The following JAK3 variants were observed in gnomAD, a reference collection of about 807,000 sequenced individuals.
The protein encoded by JAK3 is Janus kinase 3, also known as tyrosine-protein kinase JAK3.
In JAK3, 88 loss-of-function variants were observed where a neutral mutation model predicts 120.8. That is an observed-to-expected ratio of 0.73 (90% CI 0.61 to 0.87). The LOEUF is 0.87. JAK3 is among the 40% of genes least tolerant of loss of function. JAK3 has a pLI of 0.00. For missense variants in JAK3, 1,254 were observed against 1,501.4 expected (o/e 0.84, Z 2.72); for synonymous variants, 592 against 628.6 (o/e 0.94, Z 0.87).
chr19:17,837,241 T>TG, intron 12 of JAK3, 28 bp from the exon 13 acceptor site: 1 of 1,531,716 alleles, frequency 6.5e-7, no homozygotes, highest in East Asian at 2.4e-5. Flanking sequence ...GGAGAGAAGA[T>TG]GCGTGGGTTT....
chr19:17,841,617 G>A lies in JAK3; in HGVS notation c.984+23C>T, dbSNP rs2094239090. 6 of 1,613,562 alleles carry A rather than the reference G, an allele frequency of 3.7e-6. No homozygotes were observed. The highest frequency in any genetic ancestry group is 5.1e-6 in the Non-Finnish European group (6 of 1,179,800). ...GTCCCGCCCTCGGGGTAAGGCTGAA[G>A]GGGAGGGGAATCCTGCACCCACTAA... is the stretch of plus-strand genomic sequence containing the variant. On this transcript the variant is annotated intron_variant, in intron 7 of 23. Coordinates refer to ENST00000458235, the MANE Select transcript of JAK3 (RefSeq NM_000215.4). The surrounding 1 kb of genome is among the most constrained non-coding windows in gnomAD (Gnocchi z 4.1).
At chr19:17,829,407 C>T (rs1482608516) in intron 23 of JAK3, among the ~76,000 whole-genome samples, 1 of 152,110 alleles carries the variant, frequency 6.6e-6, no homozygotes, top group Non-Finnish European at 1.5e-5. Flanking sequence ...GATCTGACCG[C>T]CTCAGCCTTC....
At chr19:17,836,156 T>G in intron 13 of JAK3, 105 bp from the exon 14 acceptor site, 13 of 1,326,696 alleles carry the variant, frequency 9.8e-6, no homozygotes, top group Non-Finnish European at 8.6e-6. Context: ...CTCTCATCTC[T>G]GTCTGTTCCC....
chr19:17,835,456 G>A (rs549609742), intron 14 of JAK3, among the ~76,000 whole-genome samples: 46 of 152,164 alleles, frequency 3.0e-4, no homozygotes, highest in African/African-American at 1.1e-3. Flanking sequence ...TTGACACAAA[G>A]TGAAAGCTCC....
chr19:17,836,124 C>A, intron 13 of JAK3, 73 bp from the exon 14 acceptor site: 1 of 1,577,774 alleles, frequency 6.3e-7, no homozygotes. Context: ...TGCCAACACC[C>A]TGGCTCTCAG....
chr19:17,845,626 A>G (rs891700902), intron 1 of JAK3, among the ~76,000 whole-genome samples: 17 of 152,078 alleles, frequency 1.1e-4, no homozygotes, highest in Non-Finnish European at 2.1e-4. Context: ...GCACACCCCC[A>G]TAGTCCTAGC....
At position 17,842,790 on chromosome 19, in the gene JAK3, C is replaced by T. The variant is rs2094243150; in HGVS notation, c.567-180G>A. 1.2e-6 allele frequency: 1 copy of T among 833,762 alleles called. No individual in the cohort carries two copies. Among genetic ancestry groups the T allele is most frequent in the East Asian group, 2.7e-5 (1 of 37,456 alleles). The allele number at this position is 833,762 out of a possible 1,614,324, so 51.6% of individuals were successfully genotyped here. ...ACCGGACCTCAGAGTAGGGGAGGGC[C>T]ATTGGCGCCCACAGGTCGGACAGGG... On this transcript the variant is annotated intron_variant, in intron 5 of 23. Transcript: ENST00000458235. The surrounding 1 kb of genome is among the most constrained non-coding windows in gnomAD (Gnocchi z 6.4).
chr19:17,841,427 C>A lies in JAK3; in HGVS notation c.1104G>T (p.Leu368=). The A allele has an allele frequency of 6.4e-7, 1 of 1,553,804 alleles. No homozygotes were observed. Among genetic ancestry groups the A allele is most frequent in the Non-Finnish European group, 8.7e-7 (1 of 1,148,772 alleles). ...GGCACTGCTCGGCCACTTCCTCCAG[C>A]AGCCTCGGCGGTGCCACCTCCTTGC... ...FFCKEVAPPR[L]LEEVAEQCHG... The change falls in exon 8 of 24, where the codon CTG becomes CTT. Residue 368 remains leucine, a synonymous_variant. Coordinates refer to ENST00000458235, the MANE Select transcript of JAK3 (RefSeq NM_000215.4). The surrounding 1 kb of genome is among the most constrained non-coding windows in gnomAD (Gnocchi z 4.1).
rs2094216809 is a variant in JAK3 at position 17,832,804 on chromosome 19, A to G, written c.2476T>C (p.Ser826Pro). Residue 826 changes from serine (S) to proline (P), a missense_variant, in exon 18 of 24, where the codon TCA becomes CCA. Transcript: ENST00000458235. The surrounding 1 kb of genome is among the most constrained non-coding windows in gnomAD (Gnocchi z 4.7). The stretch of plus-strand genomic sequence containing the variant: ...GCCCACCTTACCTTGCCCAGCTGTG[A>G]GATGTACTTGAGGTGTCTCTCCTCG... ...IFEERHLKYI[S>P]QLGKGNFGSV... The G allele has an allele frequency of 6.2e-7, 1 of 1,614,070 alleles. No individual in the cohort carries two copies. Among genetic ancestry groups the G allele is most frequent in the Non-Finnish European group, 8.5e-7 (1 of 1,180,038 alleles).
At chr19:17,830,658 GA>G (rs746888636) in intron 21 of JAK3, 38 bp from the exon 22 acceptor site, 4 of 1,540,122 alleles carry the variant, frequency 2.6e-6, no homozygotes, top group Middle Eastern at 3.4e-4. Context: ...CGAGGGTGTA[GA>G]AAGGACAGGA....
intron 9 of JAK3, among the ~76,000 whole-genome samples, 184 bp downstream of exon 9, chr19:17,840,046 T>A (rs2094234278): frequency 6.6e-6 from 1 of 152,162 alleles, no homozygotes; most frequent in South Asian, 2.1e-4. Context: ...GCCTCAGTCC[T>A]TTCTCCTAAA....
In JAK3 at chr19:17,839,487, G is replaced by C. The variant is rs1599875282; in HGVS notation, c.1431C>G (p.Pro477=). 1 of 1,584,286 alleles carries C rather than the reference G, an allele frequency of 6.3e-7. No homozygotes were observed. The highest frequency in any genetic ancestry group is 8.6e-7 in the Non-Finnish European group (1 of 1,164,434). ...GAGGAAGGGGCTCACCTTTGGGTCT[G>C]GGGATACAGCAGGAAGTGAGGGTCA... ...VAVTLTSCCI[P]RPKEKSNLIV... is the part of the protein sequence containing the mutation. Residue 477 remains proline (P), a synonymous_variant, in exon 10 of 24, where the codon CCC becomes CCG. Coordinates refer to ENST00000458235, the MANE Select transcript of JAK3 (RefSeq NM_000215.4).
At chr19:17,837,622 T>C (rs2094227441) in intron 12 of JAK3, among the ~76,000 whole-genome samples, 2 of 151,216 alleles carry the variant, frequency 1.3e-5, no homozygotes, top group Non-Finnish European at 2.9e-5. Context: ...TCCATGTTGG[T>C]CAGGCTGGTC....
At chr19:17,846,494 T>C (rs1267700841) in intron 1 of JAK3, among the ~76,000 whole-genome samples, 1 of 152,210 alleles carries the variant, frequency 6.6e-6, no homozygotes, top group African/African-American at 2.4e-5. Context: ...CACAGAGAGA[T>C]TGATGTCTAG....
chr19:17,840,972 C>A (rs1298551195), intron 8 of JAK3, among the ~76,000 whole-genome samples: 1 of 151,946 alleles, frequency 6.6e-6, no homozygotes, highest in African/African-American at 2.4e-5. Flanking sequence ...TCAACCACCA[C>A]ACCCAGCTAT....
chr19:17,826,445 G>GC lies in JAK3; in HGVS notation c.*297dup. On this transcript the variant is annotated 3_prime_UTR_variant, in exon 24 of 24. Transcript: ENST00000458235. ...AGAGACAGAAAAGGAAACTCAGGGGGCCAGGGCTTAAGGGGTTGGGAAGAT... is the reference window on the plus strand; with the variant it reads ...AGAGACAGAAAAGGAAACTCAGGGGGCCCAGGGCTTAAGGGGTTGGGAAGAT... 2.4e-6 allele frequency: 1 copy of GC among 409,964 alleles called. No homozygotes were observed. The highest frequency in any genetic ancestry group is 4.4e-6 in the Non-Finnish European group (1 of 226,410). 25.4% of individuals were successfully genotyped at this position (409,964 alleles called of 1,614,324 possible).
In JAK3 at chr19:17,834,696, T is replaced by C. The variant is rs201652110; in HGVS notation, c.2225A>G (p.Gln742Arg). The change falls in exon 17 of 24, where the codon CAG becomes CGG. Residue 742 changes from glutamine (Q) to arginine (R), a missense_variant. Gln to Arg is a conservative substitution (Grantham distance 43, BLOSUM62 1). Transcript: ENST00000458235. The stretch of plus-strand genomic sequence containing the variant: ...TGTCCACTTGGGGGCCGGCAGCTGC[T>C]GCCGGTCCTCATAAAATTGGAGTTT... ...AKKLQFYEDR[Q>R]QLPAPKWTEL... 6.2e-7 allele frequency: 1 copy of C among 1,614,050 alleles called. No individual in the cohort carries two copies. Among genetic ancestry groups the C allele is most frequent in the Non-Finnish European group, 8.5e-7 (1 of 1,179,988 alleles).
At position 17,836,953 on chromosome 19, in the gene JAK3, C is replaced by A. The variant is rs991259224; in HGVS notation, c.1786+176G>T. On this transcript the variant is annotated intron_variant, in intron 13 of 23. Transcript: ENST00000458235. ...CTGGATATGGGTGAGAACCTGGAGC[C>A]GCTTTCCAAGGAGTGATGATGGAGA... The A allele has an allele frequency of 5.8e-6, 4 of 694,300 alleles. No homozygotes were observed. In the Admixed American group the frequency reaches 8.1e-5, roughly 14 times the overall value. The allele number at this position is 694,300 out of a possible 1,614,324, so 43.0% of individuals were successfully genotyped here. A position where few individuals can be genotyped will look rare whatever the true frequency, so the allele number is the denominator to read the frequency against.
At position 17,826,714 on chromosome 19, in the gene JAK3, G is replaced by T; in HGVS notation, c.*29C>A. 1 of 1,613,442 alleles carries T rather than the reference G, an allele frequency of 6.2e-7. No homozygotes were observed. The highest frequency in any genetic ancestry group is 8.5e-7 in the Non-Finnish European group (1 of 1,179,410). Reference sequence around the variant, plus strand: ...TAAGGTCACACAGCCAGTCAACAGAGACCTAATCCAGAGGTCTGCGGGCAG... The same window carrying T: ...TAAGGTCACACAGCCAGTCAACAGATACCTAATCCAGAGGTCTGCGGGCAG... On this transcript the variant is annotated 3_prime_UTR_variant, in exon 24 of 24. Coordinates refer to ENST00000458235, the MANE Select transcript of JAK3 (RefSeq NM_000215.4).
Sources: gnomAD v4.1 joint callset for allele counts (sites outside exome capture counted in the v4.1 genomes callset) on GRCh38, gnomAD v4.1.1 for gene constraint, Gnocchi (gnomAD v3.1) non-coding constraint, MANE v1.5 for transcripts, NCBI Gene and HGNC (gene_info 2026-07-23, HGNC 2026-07-21) for gene names.